The following LHX3 variants were observed in gnomAD, a reference collection of about 807,000 sequenced individuals.
LHX3 encodes LIM/homeobox protein Lhx3.
LHX3 carries 21 observed loss-of-function variants against 32.4 expected under a neutral mutation model. The ratio of observed to expected loss-of-function variants is 0.65; its 90% confidence interval spans 0.46 to 0.93. The LOEUF (loss-of-function observed/expected upper bound fraction) is 0.93, where lower values mean the gene tolerates loss of function less well. Ranked by LOEUF, LHX3 falls within the 40% of genes least tolerant of loss-of-function variation. The pLI is 0.00. For missense variants in LHX3, 626 were observed against 560.0 expected, an observed-to-expected ratio of 1.12 and a Z score of -1.19; for synonymous variants, 258 against 246.8, an observed-to-expected ratio of 1.05 and a Z score of -0.43.
chr9:136,202,130 G>A (rs1457837136), intron 1 of LHX3, among the ~76,000 whole-genome samples: 2 of 152,146 alleles, frequency 1.3e-5, no homozygotes, highest in Non-Finnish European at 2.9e-5. Flanking sequence ...GAGCGCGGGC[G>A]CGCAGTCCTC....
At chr9:136,202,062 G>A (rs1831652431) in intron 1 of LHX3, among the ~76,000 whole-genome samples, 3 of 152,072 alleles carry the variant, frequency 2.0e-5, no homozygotes, top group African/African-American at 7.2e-5. Flanking sequence ...TCCTGTGTCA[G>A]GGATGGCGGG....
At chr9:136,201,044 T>A (rs1187912180) in intron 1 of LHX3, 1 of 1,096,428 alleles carries the variant, frequency 9.1e-7, no homozygotes, top group East Asian at 2.6e-5. Flanking sequence ...GAATACTCAA[T>A]TACAAAATGT....
chr9:136,204,691 C>T (rs567523667), intron 1 of LHX3, among the ~76,000 whole-genome samples: 5 of 152,300 alleles, frequency 3.3e-5, no homozygotes, highest in Non-Finnish European at 7.4e-5. Context: ...GCTGTGCCTG[C>T]GATGCCCCCT....
rs545693568 is a variant in LHX3 at position 136,199,674 on chromosome 9, T to G, written c.454+4A>C. The G allele has an allele frequency of 6.2e-7, 1 of 1,612,814 alleles. No individual in the cohort carries two copies. The highest frequency in any genetic ancestry group is 8.5e-7 in the Non-Finnish European group (1 of 1,179,794). On this transcript the variant is annotated splice_donor_region_variant and intron_variant, in intron 3 of 5. Transcript: ENST00000371748. ...AAGGTGGGAGCGTCGTCCCCTCGGC[T>G]GACCTCGCTGCTTGGCGGTTTCGTA...
rs1244019945 is a variant in LHX3, at chr9:136,196,255, T to G, written c.*1070A>C. ...AAAAAAACGCGGGCCTTCCATTGAC[T>G]GTAACTGACAAATTTATTGAAGTCT... On this transcript the variant is annotated 3_prime_UTR_variant, in exon 6 of 6. Transcript: ENST00000371748. The G allele has an allele frequency of 2.0e-5, 3 of 152,354 alleles. No individual in the cohort carries two copies. Among genetic ancestry groups the G allele is most frequent in the Non-Finnish European group, 4.4e-5 (3 of 68,042 alleles). 9.4% of individuals were successfully genotyped at this position (152,354 alleles called of 1,614,324 possible). A position where few individuals can be genotyped will look rare whatever the true frequency, so the allele number is the denominator to read the frequency against.
rs1016725215 is a variant in LHX3 at position 136,196,492 on chromosome 9, C to T, written c.*833G>A. The T allele has an allele frequency of 6.6e-6, 1 of 152,668 alleles. No homozygotes were observed. The highest frequency in any genetic ancestry group is 2.4e-5 in the African/African-American group (1 of 41,468). The allele number at this position is 152,668 out of a possible 1,614,324, so 9.5% of individuals were successfully genotyped here. ...AGGGCAGGCTCAGAGGAGCCCCACC[C>T]TTCTCCAGCGGGGAGACTTCCCAAT... On this transcript the variant is annotated 3_prime_UTR_variant, in exon 6 of 6. Coordinates refer to ENST00000371748, the MANE Select transcript of LHX3 (RefSeq NM_178138.6).
intron 3 of LHX3, 62 bp downstream of exon 3, chr9:136,199,616 C>T (rs1831587063): frequency 2.6e-6 from 4 of 1,559,738 alleles, no homozygotes; most frequent in Non-Finnish European, 3.5e-6. Flanking sequence ...CCCCCCTGGG[C>T]GTGGCCTCAG....
intron 1 of LHX3, chr9:136,203,215 GGGGGCGGGGCCGC>G (rs1831688665): frequency 5.4e-6 from 5 of 927,882 alleles, no homozygotes; most frequent in South Asian, 1.0e-4. Flanking sequence ...GGAGCGGCCG[GGGGGCGGGGCCGC>G]GGGGCGGGGC....
At chr9:136,200,145 G>C in intron 2 of LHX3, 1 of 604,282 alleles carries the variant, frequency 1.7e-6, no homozygotes, top group South Asian at 1.9e-5. Context: ...TGAATCCGGA[G>C]GGAGAGGACC....
chr9:136,197,074 G>A lies in LHX3; in HGVS notation c.*251C>T. 1 of 588,966 alleles carries A rather than the reference G, an allele frequency of 1.7e-6. No individual in the cohort carries two copies. The highest frequency in any genetic ancestry group is 2.0e-5 in the South Asian group (1 of 49,274). The allele number at this position is 588,966 out of a possible 1,614,324, so 36.5% of individuals were successfully genotyped here. On this transcript the variant is annotated 3_prime_UTR_variant, in exon 6 of 6. Coordinates refer to ENST00000371748, the MANE Select transcript of LHX3 (RefSeq NM_178138.6). ...GCTCAGTTAATTGGTCAATAAAGGGGAGAAATTTGCTTACAAAAAAGGCTG... is the reference window on the plus strand; with the variant it reads ...GCTCAGTTAATTGGTCAATAAAGGGAAGAAATTTGCTTACAAAAAAGGCTG...
rs766184187 is a variant in LHX3 at position 136,197,392 on chromosome 9, C to G, written c.1127G>C (p.Gly376Ala). 2.5e-6 allele frequency: 4 copies of G among 1,610,894 alleles called. No individual in the cohort carries two copies. Among genetic ancestry groups the G allele is most frequent in the Non-Finnish European group, 3.4e-6 (4 of 1,179,432 alleles). Residue 376 changes from glycine (G) to alanine (A), a missense_variant, in exon 6 of 6, where the codon GGG becomes GCG. Physicochemically the swap from Gly to Ala is moderately conservative, Grantham distance 60. Transcript: ENST00000371748. ...GCTGGCAGGGAAGTCGGGGTAACCC[C>G]CGCTGCTCCCCGTGGATAGGTCAGA... is the stretch of plus-strand genomic sequence containing the variant. ...PSSDLSTGSS[G>A]GYPDFPASPA...
chr9:136,198,681 T>C lies in LHX3; in HGVS notation c.746A>G (p.Gln249Arg). ...KSDKDSVQEG[Q>R]DSDAEVSFPD... is the part of the protein sequence containing the mutation. ...GAAGGAGACCTCAGCGTCGCTGTCCTGCCCCTCCTGAACGCTGTCCTTGTC... is the reference window on the plus strand; with the variant it reads ...GAAGGAGACCTCAGCGTCGCTGTCCCGCCCCTCCTGAACGCTGTCCTTGTC... Residue 249 changes from glutamine to arginine, a missense_variant, in exon 5 of 6, where the codon CAG becomes CGG. Transcript: ENST00000371748. 1.2e-6 allele frequency: 2 copies of C among 1,608,932 alleles called. No individual in the cohort carries two copies. Among genetic ancestry groups the C allele is most frequent in the Non-Finnish European group, 1.7e-6 (2 of 1,178,976 alleles).
chr9:136,202,186 C>G (rs1363555874), intron 1 of LHX3, among the ~76,000 whole-genome samples: 5 of 152,144 alleles, frequency 3.3e-5, no homozygotes, highest in South Asian at 4.1e-4. Context: ...CGGCCAACCC[C>G]TCCCAGGAAC....
chr9:136,198,496 G>A (rs953095847), intron 5 of LHX3, among the ~76,000 whole-genome samples, 156 bp downstream of exon 5: 1 of 152,212 alleles, frequency 6.6e-6, no homozygotes, highest in African/African-American at 2.4e-5. Flanking sequence ...GGAGGGTGCT[G>A]GGGGAGCAGG....
intron 1 of LHX3, among the ~76,000 whole-genome samples, chr9:136,202,743 CACA>C (rs538853344): frequency 1.8e-4 from 28 of 152,316 alleles, no homozygotes; most frequent in African/African-American, 6.5e-4. Flanking sequence ...AGCGCAGTGC[CACA>C]ACCTCACTCA....
intron 1 of LHX3, among the ~76,000 whole-genome samples, chr9:136,204,028 G>C (rs1033251410): frequency 2.0e-5 from 3 of 152,232 alleles, no homozygotes; most frequent in Non-Finnish European, 4.4e-5. Flanking sequence ...GCAAAGGCAG[G>C]GGTGCCCTGG....
intron 1 of LHX3, chr9:136,201,084 C>T: frequency 1.5e-6 from 2 of 1,363,888 alleles, no homozygotes; most frequent in South Asian, 3.2e-5. Flanking sequence ...GCATGTGGAG[C>T]TCAAATGAAA....
At position 136,205,057 on chromosome 9, in the gene LHX3, C is replaced by T. The variant is rs1831726169; in HGVS notation, c.-45G>A. The T allele has an allele frequency of 1.3e-6, 2 of 1,503,354 alleles. No homozygotes were observed. Among genetic ancestry groups the T allele is most frequent in the African/African-American group, 1.4e-5 (1 of 72,656 alleles). 93.1% of individuals were successfully genotyped at this position (1,503,354 alleles called of 1,614,324 possible). A position where few individuals can be genotyped will look rare whatever the true frequency, so the allele number is the denominator to read the frequency against. On this transcript the variant is annotated 5_prime_UTR_variant, in exon 1 of 6. Coordinates refer to ENST00000371748, the MANE Select transcript of LHX3 (RefSeq NM_178138.6). ...GGCGCGAGACGCGCTCCTCCTAGGT[C>T]AGCGTCCCCTGGAGGGTTCGGGGCT...
chr9:136,198,378 C>A (rs1831546323), intron 5 of LHX3, among the ~76,000 whole-genome samples: 1 of 152,206 alleles, frequency 6.6e-6, no homozygotes, highest in African/African-American at 2.4e-5. Context: ...ACACGCCCAC[C>A]CCCCCATGAG....
Sources: gnomAD v4.1 joint callset for allele counts (sites outside exome capture counted in the v4.1 genomes callset) on GRCh38, gnomAD v4.1.1 for gene constraint, MANE v1.5 for transcripts, NCBI Gene and HGNC (gene_info 2026-07-23, HGNC 2026-07-21) for gene names.